The following CSMD1 variants were observed in gnomAD, a reference collection of about 807,000 sequenced individuals.
CSMD1 encodes the protein CUB and sushi domain-containing protein 1.
Under a neutral mutation model 417.5 loss-of-function variants are expected in CSMD1, and 213 were observed. The observed-to-expected ratio is 0.51, with a 90% CI of 0.46 to 0.57. The LOEUF is 0.57. CSMD1 is among the 20% of genes least tolerant of loss of function. CSMD1 has a pLI of 0.00. For missense variants in CSMD1, 6,923 were observed against 4,529.7 expected, an observed-to-expected ratio of 1.53 and a Z score of -15.17; for synonymous variants, 2,862 against 1,736.8, an observed-to-expected ratio of 1.65 and a Z score of -16.11.
chr8:3,135,016 C>G (rs1334770082), intron 41 of CSMD1, among the ~76,000 whole-genome samples: 1 of 152,106 alleles, frequency 6.6e-6, no homozygotes. Context: ...CTTGAACTCC[C>G]AAGCTCAGGC....
chr8:4,505,118 C>G (rs1378533008), intron 2 of CSMD1, among the ~76,000 whole-genome samples: 2 of 152,114 alleles, frequency 1.3e-5, no homozygotes, highest in African/African-American at 2.4e-5. Context: ...AAGCACAAAT[C>G]CAAAAACAGA....
At chr8:3,407,030 G>C (rs1032265370) in intron 14 of CSMD1, among the ~76,000 whole-genome samples, 2 of 152,122 alleles carry the variant, frequency 1.3e-5, no homozygotes, top group African/African-American at 2.4e-5. Flanking sequence ...AGGAAGAATA[G>C]AAGGAAGAAA....
intron 3 of CSMD1, among the ~76,000 whole-genome samples, chr8:4,200,697 C>T (rs892798775): frequency 2.0e-5 from 3 of 152,056 alleles, no homozygotes; most frequent in African/African-American, 7.3e-5. Context: ...CTCTACAAAA[C>T]ATAACAATTA....
At chr8:4,181,178 G>C (rs548659063) in intron 3 of CSMD1, among the ~76,000 whole-genome samples, 78 of 152,134 alleles carry the variant, frequency 5.1e-4, no homozygotes, top group African/African-American at 1.8e-3. Flanking sequence ...AAATGAGAAA[G>C]CATTGAATAA....
chr8:4,543,418 A>G (rs1257090700), intron 2 of CSMD1, among the ~76,000 whole-genome samples: 1 of 152,028 alleles, frequency 6.6e-6, no homozygotes, highest in Non-Finnish European at 1.5e-5. Flanking sequence ...AGATTGGCTT[A>G]TTTTACTTAG....
chr8:4,194,213 C>T (rs770324029), intron 3 of CSMD1, among the ~76,000 whole-genome samples: 7 of 152,220 alleles, frequency 4.6e-5, no homozygotes, highest in South Asian at 2.1e-4. Flanking sequence ...AAATTTCTTT[C>T]GTCCAGCAAT....
intron 12 of CSMD1, among the ~76,000 whole-genome samples, chr8:3,435,609 C>CGACCTT: frequency 6.6e-6 from 1 of 152,254 alleles, no homozygotes; most frequent in East Asian, 1.9e-4. Flanking sequence ...TCCAACCTAG[C>CGACCTT]GACCTTGATG....
chr8:4,025,055 C>G (rs925164588), intron 4 of CSMD1, among the ~76,000 whole-genome samples: 2 of 152,108 alleles, frequency 1.3e-5, no homozygotes, highest in African/African-American at 4.8e-5. Context: ...CAACATCAGA[C>G]TAATACTCAC....
At chr8:3,491,020 G>A (rs4078975) in intron 11 of CSMD1, among the ~76,000 whole-genome samples, 18,005 of 152,148 alleles carry the variant, frequency 0.12, 1,373 homozygotes, top group East Asian at 0.26. Context: ...AAATGAAGAT[G>A]CCTCTTCATC....
At chr8:4,517,488 G>C (rs1333698364) in intron 2 of CSMD1, among the ~76,000 whole-genome samples, 1 of 152,100 alleles carries the variant, frequency 6.6e-6, no homozygotes, top group Non-Finnish European at 1.5e-5. Context: ...AATGTTCCTG[G>C]AACAATAACT....
At chr8:4,026,849 A>C (rs1376205788) in intron 4 of CSMD1, among the ~76,000 whole-genome samples, 1 of 152,226 alleles carries the variant, frequency 6.6e-6, no homozygotes, top group Admixed American at 6.5e-5. Context: ...GTGGCAGTGT[A>C]AAAACCTGAG....
At chr8:4,088,634 A>C (rs924523715) in intron 3 of CSMD1, among the ~76,000 whole-genome samples, 14 of 152,148 alleles carry the variant, frequency 9.2e-5, no homozygotes, top group African/African-American at 3.4e-4. Flanking sequence ...CCAGGTTGAG[A>C]GTAAAGCCCA....
intron 3 of CSMD1, among the ~76,000 whole-genome samples, chr8:4,165,610 C>T (rs1185220800): frequency 6.6e-6 from 1 of 152,106 alleles, no homozygotes; most frequent in Non-Finnish European, 1.5e-5. Flanking sequence ...ACTATGTTGC[C>T]CAGGCTTGGC....
In CSMD1 at chr8:3,214,482, C is replaced by A; in HGVS notation, c.4867+15G>T. Reference sequence around the variant, plus strand: ...GAAAGTTGTATTTCTAGAAAATACCCAAGCGTGCACTCACCATTGCAGGAG... The same window carrying A: ...GAAAGTTGTATTTCTAGAAAATACCAAAGCGTGCACTCACCATTGCAGGAG... On this transcript the variant is annotated intron_variant, in intron 30 of 69. Coordinates refer to ENST00000635120, the MANE Select transcript of CSMD1 (RefSeq NM_033225.6). The A allele has an allele frequency of 6.6e-7, 1 of 1,523,456 alleles. No individual in the cohort carries two copies. The highest frequency in any genetic ancestry group is 8.8e-7 in the Non-Finnish European group (1 of 1,136,542). The allele number at this position is 1,523,456 out of a possible 1,614,324, so 94.4% of individuals were successfully genotyped here.
In CSMD1 at chr8:4,510,390, T is replaced by TAAAAAAAA. The variant is rs34791623; in HGVS notation, c.303-90333_303-90326dup. ...GTAGACAATTAAAAAGCATAATGCC[T>TAAAAAAAA]AAAAAAAAAAAAAAAAAAAAAAAAA... On this transcript the variant is annotated intron_variant, in intron 2 of 69. Transcript: ENST00000635120. Among the ~76,000 whole-genome samples, 267 of 54,590 alleles carry TAAAAAAAA rather than the reference T, an allele frequency of 4.9e-3. 26 individuals are homozygous for TAAAAAAAA. Among genetic ancestry groups the TAAAAAAAA allele is most frequent in the South Asian group, 6.3e-3 (7 of 1,104 alleles). 35.8% of individuals were successfully genotyped at this position (54,590 alleles called of 152,430 possible). A position where few individuals can be genotyped will look rare whatever the true frequency, so the allele number is the denominator to read the frequency against.
intron 5 of CSMD1, among the ~76,000 whole-genome samples, chr8:3,906,504 A>G (rs896909313): frequency 7.5e-5 from 11 of 147,564 alleles, no homozygotes; most frequent in Admixed American, 2.1e-4. Context: ...AAGAGAATGA[A>G]AAAACAAGGT....
At chr8:3,731,727 T>C (rs760264431) in intron 6 of CSMD1, among the ~76,000 whole-genome samples, 4 of 152,180 alleles carry the variant, frequency 2.6e-5, no homozygotes, top group African/African-American at 4.8e-5. Flanking sequence ...GCACAGAATT[T>C]ACAGGTAGAG....
chr8:3,463,397 G>A (rs538497250), intron 12 of CSMD1, among the ~76,000 whole-genome samples: 5 of 152,324 alleles, frequency 3.3e-5, no homozygotes, highest in African/African-American at 1.2e-4. Flanking sequence ...CTGTGAAAAA[G>A]GAGGTACACA....
chr8:4,360,468 T>G (rs901149473), intron 3 of CSMD1, among the ~76,000 whole-genome samples: 17 of 152,224 alleles, frequency 1.1e-4, no homozygotes, highest in East Asian at 9.7e-4. Context: ...TCATAACCTC[T>G]TTTTTCTTGC....
Sources: allele counts gnomAD v4.1 joint callset (sites outside exome capture counted in the v4.1 genomes callset), GRCh38; gene constraint gnomAD v4.1.1; transcripts MANE v1.5; gene names NCBI Gene and HGNC (gene_info 2026-07-23, HGNC 2026-07-21).